The following CHL1 variants were observed in gnomAD, a reference collection of about 807,000 sequenced individuals.
The protein encoded by CHL1 is cell adhesion molecule L1 like, also known as neural cell adhesion molecule L1-like protein.
CHL1 carries 96 observed loss-of-function variants against 141.9 expected under a neutral mutation model. The observed-to-expected ratio is 0.68, with a 90% confidence interval of 0.57 to 0.80. The LOEUF (loss-of-function observed/expected upper bound fraction) is 0.80. CHL1 is among the 30% of genes least tolerant of loss of function. The pLI is 0.00. For missense variants in CHL1, 1,820 were observed against 1,457.2 expected (o/e 1.25, Z -4.05); for synonymous variants, 613 against 502.2 (o/e 1.22, Z -2.95).
intron 2 of CHL1, among the ~76,000 whole-genome samples, chr3:298,906 G>T (rs1454060907): frequency 1.3e-5 from 2 of 152,148 alleles, no homozygotes; most frequent in Non-Finnish European, 2.9e-5. Flanking sequence ...AATAACTTGT[G>T]TGACACAGAA....
intron 2 of CHL1, among the ~76,000 whole-genome samples, chr3:294,319 C>G (rs1340855350): frequency 6.6e-6 from 1 of 151,990 alleles, no homozygotes. Context: ...ACTCTTGTCT[C>G]AAAATAAATA....
At chr3:381,306 G>A (rs997614235) in intron 16 of CHL1, among the ~76,000 whole-genome samples, 2 of 152,094 alleles carry the variant, frequency 1.3e-5, no homozygotes, top group African/African-American at 4.8e-5. Context: ...CAGAAAAGAA[G>A]GGTTTTTATG....
chr3:304,922 G>A (rs958977064), intron 2 of CHL1, among the ~76,000 whole-genome samples: 1 of 152,060 alleles, frequency 6.6e-6, no homozygotes. Context: ...ATGGAAAGAA[G>A]ACACTCCTTA....
At chr3:222,801 A>G (rs996523330) in intron 1 of CHL1, among the ~76,000 whole-genome samples, 8 of 152,182 alleles carry the variant, frequency 5.3e-5, no homozygotes, top group Admixed American at 1.3e-4. Context: ...CTTCTAACGC[A>G]TATTGATTTC....
At chr3:232,588 T>A (rs977419337) in intron 1 of CHL1, among the ~76,000 whole-genome samples, 1 of 152,164 alleles carries the variant, frequency 6.6e-6, no homozygotes, top group African/African-American at 2.4e-5. Flanking sequence ...ACAAGTTAGA[T>A]GTTCGTACTT....
At chr3:337,424 A>G (rs551108914) in intron 5 of CHL1, among the ~76,000 whole-genome samples, 4 of 151,854 alleles carry the variant, frequency 2.6e-5, no homozygotes, top group Non-Finnish European at 5.9e-5. Flanking sequence ...TGTGCAGGTT[A>G]GTTACATATG....
Position 340,853 on chromosome 3 carries a change from A to C in CHL1, c.445A>C (p.Ile149Leu). 6.2e-7 allele frequency: 1 copy of C among 1,610,564 alleles called. No individual in the cohort carries two copies. Residue 149 changes from isoleucine (I) to leucine (L), a missense_variant, in exon 6 of 28, where the codon ATT (isoleucine) becomes CTT (leucine). Transcript: ENST00000256509. ...TCTTGAAGTGGAGGAGGGAGATCCA[A>C]TTGTCCTCCCATGCAATCCTCCCAA... ...DPLEVEEGDP[I>L]VLPCNPPKGL...
intron 5 of CHL1, among the ~76,000 whole-genome samples, chr3:332,065 C>G (rs1469839529): frequency 1.3e-5 from 2 of 152,212 alleles, no homozygotes; most frequent in Non-Finnish European, 2.9e-5. Context: ...CCAAACAATT[C>G]CGTTCCCTAG....
intron 1 of CHL1, among the ~76,000 whole-genome samples, chr3:228,074 GCC>G: frequency 6.6e-6 from 1 of 152,094 alleles, no homozygotes; most frequent in East Asian, 1.9e-4. Context: ...GGCAAACACT[GCC>G]TAATGGAATT....
chr3:354,464 A>G (rs1470669810), intron 10 of CHL1, among the ~76,000 whole-genome samples, 176 bp from the exon 11 acceptor site: 1 of 151,532 alleles, frequency 6.6e-6, no homozygotes, highest in East Asian at 1.9e-4. Flanking sequence ...CACACACCAT[A>G]CAACACAAAA....
intron 1 of CHL1, among the ~76,000 whole-genome samples, chr3:242,558 T>C (rs534666451): frequency 2.0e-4 from 30 of 152,114 alleles, no homozygotes; most frequent in Admixed American, 4.6e-4. Flanking sequence ...ATTGTGCCAC[T>C]GCACTCCAGC....
intron 1 of CHL1, among the ~76,000 whole-genome samples, chr3:225,782 G>C (rs561041619): frequency 5.8e-4 from 88 of 152,182 alleles, no homozygotes; most frequent in African/African-American, 2.0e-3. Flanking sequence ...GGCTGAGGTG[G>C]GCAGATCACG....
chr3:343,103 T>A (rs1437225943), intron 8 of CHL1, 72 bp downstream of exon 8: 2 of 1,187,960 alleles, frequency 1.7e-6, no homozygotes, highest in African/African-American at 3.1e-5. Flanking sequence ...GAATTTTTTC[T>A]TTAATATCCT....
In CHL1 at chr3:400,059, A is replaced by G. The variant is rs78595282; in HGVS notation, c.3385+911A>G. Among the ~76,000 whole-genome samples the G allele has an allele frequency of 1.7e-3, 265 of 152,348 alleles. 2 individuals carry two copies. Among genetic ancestry groups the G allele is most frequent in the African/African-American group, 6.0e-3 (248 of 41,574 alleles). ...TGTCTTTTTCAGATATACATATTGT[A>G]TCAAGATGATGATTATTACTAGTAT... On this transcript the variant is annotated intron_variant, in intron 26 of 27. Coordinates refer to ENST00000256509, the MANE Select transcript of CHL1 (RefSeq NM_006614.4).
Position 328,402 on chromosome 3 carries a change from G to A in CHL1, c.385+48G>A. The A allele has an allele frequency of 3.4e-6, 5 of 1,450,128 alleles. No individual in the cohort carries two copies. In the East Asian group the frequency reaches 1.2e-4, roughly 34 times the overall value. 89.8% of individuals were successfully genotyped at this position (1,450,128 alleles called of 1,614,324 possible). On this transcript the variant is annotated intron_variant, in intron 5 of 27. Coordinates refer to ENST00000256509, the MANE Select transcript of CHL1 (RefSeq NM_006614.4). ...CATTTTACAAGTGTTTTAGTGAAGT[G>A]TTAAATAGGAGTTAGATTGGGTTCC...
intron 2 of CHL1, chr3:308,971 T>G (rs898621495): frequency 7.2e-5 from 11 of 153,498 alleles, no homozygotes; most frequent in African/African-American, 2.7e-4. Flanking sequence ...GCCCCCTTCT[T>G]GTGGCCCGGA....
intron 15 of CHL1, among the ~76,000 whole-genome samples, chr3:368,356 G>T (rs966145164): frequency 6.6e-6 from 1 of 152,080 alleles, no homozygotes; most frequent in Non-Finnish European, 1.5e-5. Flanking sequence ...CGGTCATGTT[G>T]AGCTTTTTTT....
intron 2 of CHL1, among the ~76,000 whole-genome samples, chr3:282,529 T>C (rs1036475562): frequency 6.6e-6 from 1 of 152,226 alleles, no homozygotes; most frequent in Non-Finnish European, 1.5e-5. Flanking sequence ...GCAGGACTGC[T>C]AGTAAGAAAT....
At chr3:314,436 T>C (rs1230994626) in intron 2 of CHL1, among the ~76,000 whole-genome samples, 4 of 149,420 alleles carry the variant, frequency 2.7e-5, no homozygotes, top group African/African-American at 9.8e-5. Context: ...AAATTAGCTA[T>C]TTCTACCTTG....
Sources: allele counts gnomAD v4.1 joint callset (sites outside exome capture counted in the v4.1 genomes callset), GRCh38; gene constraint gnomAD v4.1.1; transcripts MANE v1.5; gene names NCBI Gene and HGNC (gene_info 2026-07-23, HGNC 2026-07-21).